FRMD4A: variants seen among roughly 807,000 people sequenced by gnomAD.
FRMD4A encodes the protein FERM domain containing 4A.
Under a neutral mutation model 129.1 loss-of-function variants are expected in FRMD4A, and 29 were observed. The ratio of observed to expected loss-of-function variants is 0.22; its 90% CI spans 0.17 to 0.31. FRMD4A has a LOEUF of 0.31. FRMD4A is among the 10% of genes least tolerant of loss of function. FRMD4A has a pLI of 1.00. For synonymous variants in FRMD4A, 634 were observed against 571.6 expected, an observed-to-expected ratio of 1.11 and a Z score of -1.56; for missense variants, 1,272 against 1,375.8, an observed-to-expected ratio of 0.92 and a Z score of 1.19.
chr10:14,126,562 C>G (rs1431203954), intron 2 of FRMD4A, among the ~76,000 whole-genome samples: 2 of 135,944 alleles, frequency 1.5e-5, no homozygotes, highest in Non-Finnish European at 3.3e-5. Context: ...TGACCACCAG[C>G]AGCAGCTGGG....
At chr10:13,987,949 C>T (rs888820774) in intron 2 of FRMD4A, among the ~76,000 whole-genome samples, 7 of 152,114 alleles carry the variant, frequency 4.6e-5, no homozygotes, top group African/African-American at 1.4e-4. Context: ...TCAATGTCAT[C>T]GTGGCCAAAA....
At chr10:14,104,046 G>C (rs1416990993) in intron 2 of FRMD4A, among the ~76,000 whole-genome samples, 1 of 152,188 alleles carries the variant, frequency 6.6e-6, no homozygotes, top group East Asian at 1.9e-4. Context: ...TTAGAGAAAG[G>C]TCTTCTCTCA....
intron 21 of FRMD4A, among the ~76,000 whole-genome samples, chr10:13,659,011 T>G (rs548273145): frequency 6.6e-6 from 1 of 152,208 alleles, no homozygotes; most frequent in African/African-American, 2.4e-5. Context: ...TAGGCCTCAG[T>G]AGAAAGATAG....
At chr10:13,983,433 T>C (rs2095569281) in intron 2 of FRMD4A, among the ~76,000 whole-genome samples, 1 of 152,128 alleles carries the variant, frequency 6.6e-6, no homozygotes, top group South Asian at 2.1e-4. Flanking sequence ...CATGAAGGCA[T>C]TGAAAATCTA....
intron 2 of FRMD4A, among the ~76,000 whole-genome samples, chr10:14,088,718 G>A (rs1836447315): frequency 1.3e-5 from 2 of 148,150 alleles, no homozygotes; most frequent in South Asian, 2.1e-4. Flanking sequence ...CCCAGGAGGC[G>A]GAGCTTGCCG....
At chr10:13,919,019 A>C (rs17154184) in intron 2 of FRMD4A, among the ~76,000 whole-genome samples, 9 of 152,172 alleles carry the variant, frequency 5.9e-5, no homozygotes, top group African/African-American at 2.2e-4. Context: ...TAGGAAGCTC[A>C]TCTTAATTTC....
chr10:13,778,507 C>G (rs2092655867), intron 6 of FRMD4A, among the ~76,000 whole-genome samples: 1 of 151,946 alleles, frequency 6.6e-6, no homozygotes, highest in Non-Finnish European at 1.5e-5. Flanking sequence ...CTCCGTTATT[C>G]TGAACATTTG....
intron 2 of FRMD4A, among the ~76,000 whole-genome samples, chr10:14,273,635 C>A (rs1218945246): frequency 2.6e-5 from 4 of 151,958 alleles, no homozygotes; most frequent in African/African-American, 9.7e-5. Context: ...GATTCAAACA[C>A]TAGACACAGA....
intron 2 of FRMD4A, among the ~76,000 whole-genome samples, chr10:13,894,512 T>C (rs1441304807): frequency 6.6e-6 from 1 of 152,228 alleles, no homozygotes. Flanking sequence ...GATCACCCAG[T>C]AGCCCAGGCT....
chr10:13,666,915 T>TC (rs202007808), intron 17 of FRMD4A, among the ~76,000 whole-genome samples: 7 of 118,538 alleles, frequency 5.9e-5, no homozygotes, highest in East Asian at 2.0e-4. Flanking sequence ...TCTTTTCTTT[T>TC]TTTTTTTTTT....
rs534204572 is a variant in FRMD4A at position 13,850,926 on chromosome 10, AATT to A, written c.111+7918_111+7920del. 1.4e-4 allele frequency among the ~76,000 whole-genome samples: 21 copies of A among 152,362 alleles called. No individual in the cohort carries two copies. In the South Asian group the frequency reaches 2.3e-3, roughly 17 times the overall value. ...TATGCTCCATATAAATTCTATAAAG[AATT>A]GTAGGCCAGGTGTAGTGGCTCATGC... is the stretch of plus-strand genomic sequence containing the variant. On this transcript the variant is annotated intron_variant, in intron 3 of 24. Coordinates refer to ENST00000357447, the MANE Select transcript of FRMD4A (RefSeq NM_018027.5).
At chr10:13,759,528 G>C (rs749023085) in intron 8 of FRMD4A, among the ~76,000 whole-genome samples, 1 of 152,126 alleles carries the variant, frequency 6.6e-6, no homozygotes, top group African/African-American at 2.4e-5. Flanking sequence ...AATGTGGAGG[G>C]AAAAATGTGA....
At chr10:14,267,128 A>G (rs1564428169) in intron 2 of FRMD4A, among the ~76,000 whole-genome samples, 1 of 152,224 alleles carries the variant, frequency 6.6e-6, no homozygotes, top group African/African-American at 2.4e-5. Context: ...TTCTACAAAT[A>G]GAGTCTATGG....
At chr10:14,120,677 G>A (rs561946262) in intron 2 of FRMD4A, among the ~76,000 whole-genome samples, 341 of 152,300 alleles carry the variant, frequency 2.2e-3, no homozygotes, top group African/African-American at 8.0e-3. Flanking sequence ...GAGGGTGAGG[G>A]GGAAAACCTG....
chr10:13,974,227 T>C (rs912513327), intron 2 of FRMD4A, among the ~76,000 whole-genome samples: 4 of 152,172 alleles, frequency 2.6e-5, no homozygotes, highest in African/African-American at 9.7e-5. Flanking sequence ...TGGGAATCTT[T>C]TGAGTATAAA....
chr10:13,838,230 C>T (rs113598720), intron 3 of FRMD4A, among the ~76,000 whole-genome samples: 6,665 of 150,630 alleles, frequency 0.044, 238 homozygotes, highest in African/African-American at 0.086. Context: ...GGACTACAGA[C>T]GTGCACCACC....
chr10:13,834,897 C>A (rs1346153677), intron 3 of FRMD4A, among the ~76,000 whole-genome samples: 1 of 152,214 alleles, frequency 6.6e-6, no homozygotes, highest in Non-Finnish European at 1.5e-5. Flanking sequence ...AAATTCTTCT[C>A]TGCCCAGTTT....
Position 13,701,382 on chromosome 10 carries a change from G to A in FRMD4A, c.933C>T (p.Ala311=). 1 of 1,613,922 alleles carries A rather than the reference G, an allele frequency of 6.2e-7. No homozygotes were observed. The highest frequency in any genetic ancestry group is 1.3e-5 in the African/African-American group (1 of 75,032). ...PALIKSIWAM[A]ISQHQFYLDR... ...CCAGATAGAACTGGTGTTGGCTTAT[G>A]GCCATAGCCCAGATGGACTTGATCA... The change falls in exon 14 of 25, where the codon GCC becomes GCT. Residue 311 remains alanine, a synonymous_variant. Coordinates refer to ENST00000357447, the MANE Select transcript of FRMD4A (RefSeq NM_018027.5).
At chr10:13,782,643 C>T (rs774552838) in intron 6 of FRMD4A, among the ~76,000 whole-genome samples, 8 of 152,012 alleles carry the variant, frequency 5.3e-5, no homozygotes, top group Non-Finnish European at 1.2e-4. Context: ...AGGGTTTCAC[C>T]ACGTTGGCCA....
Sources: allele counts gnomAD v4.1 joint callset (sites outside exome capture counted in the v4.1 genomes callset), GRCh38; gene constraint gnomAD v4.1.1; transcripts MANE v1.5; gene names NCBI Gene and HGNC (gene_info 2026-07-23, HGNC 2026-07-21).